Variants in FES observed in about 807,000 individuals in gnomAD.
The protein encoded by FES is FES proto-oncogene, tyrosine kinase.
A neutral mutation model predicts 109.6 loss-of-function variants in FES; 83 were observed. That is an observed-to-expected ratio of 0.76 (90% CI 0.63 to 0.91). The LOEUF (loss-of-function observed/expected upper bound fraction) is 0.91, where lower values mean the gene tolerates loss of function less well. FES is among the 40% of genes least tolerant of loss of function. FES has a pLI of 0.00. For synonymous variants in FES, 458 were observed against 442.1 expected, an observed-to-expected ratio of 1.04 and a Z score of -0.45; for missense variants, 943 against 1,070.9, an observed-to-expected ratio of 0.88 and a Z score of 1.67.
intron 1 of FES, chr15:90,884,822 C>G (rs1039186478): frequency 3.8e-6 from 2 of 528,728 alleles, no homozygotes; most frequent in East Asian, 3.1e-5. Flanking sequence ...TGTTCCCGAA[C>G]GTGCGGAGGA....
intron 11 of FES, 56 bp from the exon 12 acceptor site, chr15:90,891,498 A>T (rs1455102725): frequency 6.2e-7 from 1 of 1,609,922 alleles, no homozygotes; most frequent in East Asian, 2.2e-5. Context: ...TCCCCCTCCC[A>T]GGGCTCACGC....
rs1349194238 is a variant in FES, at chr15:90,895,658, TC to T, written c.*102del. 2 of 1,106,444 alleles carry T rather than the reference TC, an allele frequency of 1.8e-6. No individual in the cohort carries two copies. Among genetic ancestry groups the T allele is most frequent in the Non-Finnish European group, 2.4e-6 (2 of 817,574 alleles). The allele number at this position is 1,106,444 out of a possible 1,614,324, so 68.5% of individuals were successfully genotyped here. Reference sequence around the variant, plus strand: ...CTGACAGCTCTTCACAGTCCTGGACTCCTGCCACCAGCATCCACACTGCCGG... The same window carrying T: ...CTGACAGCTCTTCACAGTCCTGGACTCTGCCACCAGCATCCACACTGCCGG... On this transcript the variant is annotated 3_prime_UTR_variant, in exon 19 of 19. Coordinates refer to ENST00000328850, the MANE Select transcript of FES (RefSeq NM_002005.4).
rs780059532 is a variant in FES at position 90,889,580 on chromosome 15, G to T, written c.870G>T (p.Pro290=). 3.1e-6 allele frequency: 5 copies of T among 1,613,666 alleles called. No individual in the cohort carries two copies. Among genetic ancestry groups the T allele is most frequent in the Admixed American group, 3.3e-5 (2 of 60,020 alleles). Residue 290 remains proline (P), a synonymous_variant, in exon 7 of 19, where the codon CCG becomes CCT. Transcript: ENST00000328850. This position sits in a 1 kb window ranked among gnomAD's most constrained non-coding sequence, Gnocchi z 6.1. ...AGTCACTGCTTGAGGAGGGTGAACC[G>T]CTGGAGCCTGGGGAGCTCCAGCTGA... ...FDESLLEEGE[P]LEPGELQLNE... is the part of the protein sequence containing the mutation.
chr15:90,888,144 C>T (rs916579755), intron 5 of FES, among the ~76,000 whole-genome samples: 8 of 152,174 alleles, frequency 5.3e-5, no homozygotes, highest in South Asian at 2.1e-4. Flanking sequence ...CTCGCTCTGC[C>T]GCCCAGGCTA....
chr15:90,894,360 G>C (rs1345482341), intron 18 of FES, among the ~76,000 whole-genome samples: 1 of 152,164 alleles, frequency 6.6e-6, no homozygotes, highest in African/African-American at 2.4e-5. Flanking sequence ...CGAGGCAGGT[G>C]GATCACCTGT....
intron 3 of FES, 32 bp downstream of exon 3, chr15:90,885,617 T>G: frequency 6.3e-7 from 1 of 1,598,176 alleles, no homozygotes; most frequent in Non-Finnish European, 8.5e-7. Flanking sequence ...TTCGGTCATT[T>G]CTGTCTAAAT....
intron 10 of FES, 82 bp downstream of exon 10, chr15:90,890,566 C>T (rs1298659126): frequency 7.7e-7 from 1 of 1,296,908 alleles, no homozygotes; most frequent in East Asian, 2.4e-5. Context: ...AGGCTCTGCC[C>T]AGGCTGCTTG....
intron 5 of FES, among the ~76,000 whole-genome samples, chr15:90,888,945 C>G (rs1284662150): frequency 1.3e-5 from 2 of 151,964 alleles, no homozygotes; most frequent in Non-Finnish European, 1.5e-5. Flanking sequence ...GCCACCATGC[C>G]TGGCTAATTT....
At position 90,890,208 on chromosome 15, in the gene FES, A is replaced by G. The variant is rs765729166; in HGVS notation, c.1166A>G (p.Glu389Gly). 11 of 1,601,558 alleles carry G rather than the reference A, an allele frequency of 6.9e-6. No individual in the cohort carries two copies. Among genetic ancestry groups the G allele is most frequent in the Non-Finnish European group, 8.5e-6 (10 of 1,178,984 alleles). Residue 389 changes from glutamate to glycine, a missense_variant, in exon 9 of 19, where the codon GAG becomes GGG. Transcript: ENST00000328850. Reference sequence around the variant, plus strand: ...CAGGAGTTGCTGCAGACCAAGCTGGAGCACCTGGGCCCCGGCGAGCCCCCG... The same window carrying G: ...CAGGAGTTGCTGCAGACCAAGCTGGGGCACCTGGGCCCCGGCGAGCCCCCG... ...AQQELLQTKL[E>G]HLGPGEPPPV...
At position 90,889,836 on chromosome 15, in the gene FES, G is replaced by A. The variant is rs752838314; in HGVS notation, c.927-4G>A. The A allele has an allele frequency of 1.2e-6, 2 of 1,613,648 alleles. No individual in the cohort carries two copies. Among genetic ancestry groups the A allele is most frequent in the African/African-American group, 1.3e-5 (1 of 74,974 alleles). On this transcript the variant is annotated splice_polypyrimidine_tract_variant and splice_region_variant and intron_variant, in intron 7 of 18. Transcript: ENST00000328850. The surrounding 1 kb of genome is among the most constrained non-coding windows in gnomAD (Gnocchi z 6.1). The stretch of plus-strand genomic sequence containing the variant: ...TTCTAATGCTGCCCTTCTCTTGGGT[G>A]CAGGCTGACCTCAGTGACAGATGAG...
intron 13 of FES, chr15:90,892,313 C>A: frequency 4.7e-6 from 3 of 636,158 alleles, no homozygotes; most frequent in Non-Finnish European, 8.3e-6. Context: ...GACAGCTCTG[C>A]CAGCACCCTG....
chr15:90,891,840 T>C (rs2033246111), intron 12 of FES, among the ~76,000 whole-genome samples, 164 bp downstream of exon 12: 1 of 152,180 alleles, frequency 6.6e-6, no homozygotes, highest in Non-Finnish European at 1.5e-5. Flanking sequence ...AGGTTTGGAA[T>C]GTCAGGGCCA....
At chr15:90,894,245 T>C (rs1027920892) in intron 18 of FES, among the ~76,000 whole-genome samples, 187 bp downstream of exon 18, 2 of 150,186 alleles carry the variant, frequency 1.3e-5, no homozygotes, top group Non-Finnish European at 3.0e-5. Context: ...AGCCCAGGAG[T>C]TCAAGATCAG....
chr15:90,893,906 C>T lies in FES; in HGVS notation c.2204-30C>T, dbSNP rs74943443. 659 of 1,612,742 alleles carry T rather than the reference C, an allele frequency of 4.1e-4. 2 individuals carry two copies. The African/African-American group carries it at 7.1e-3, about 17-fold the overall frequency. On this transcript the variant is annotated intron_variant, in intron 17 of 18. Transcript: ENST00000328850. ...CCTGGCCCCAGGGAGGGTGCACTCA[C>T]GCTGCCTCACCTCCTCGCCTCCTCT...
intron 18 of FES, among the ~76,000 whole-genome samples, chr15:90,894,911 C>G (rs2033572072): frequency 6.6e-6 from 1 of 151,604 alleles, no homozygotes; most frequent in African/African-American, 2.4e-5. Context: ...ACTAAAAATA[C>G]AAAAAATTAG....
Position 90,893,649 on chromosome 15 carries a change from C to T in FES, c.2046-5C>T. The T allele has an allele frequency of 6.3e-7, 1 of 1,579,584 alleles. No individual in the cohort carries two copies. The highest frequency in any genetic ancestry group is 8.6e-7 in the Non-Finnish European group (1 of 1,163,030). ...CCAAATGAGCCCCTGCCCTGTCTCA[C>T]CCAGGGACCTGGCTGCTCGGAACTG... On this transcript the variant is annotated splice_polypyrimidine_tract_variant and splice_region_variant and intron_variant, in intron 16 of 18. Transcript: ENST00000328850.
In FES at chr15:90,895,684, G is replaced by A. The variant is rs1265723348; in HGVS notation, c.*126G>A. On this transcript the variant is annotated 3_prime_UTR_variant, in exon 19 of 19. Coordinates refer to ENST00000328850, the MANE Select transcript of FES (RefSeq NM_002005.4). ...CCTGCCACCAGCATCCACACTGCCG[G>A]CAGGATGCAGCGCCGTGTCCTCTCT... 1.3e-6 allele frequency: 1 copy of A among 799,806 alleles called. No individual in the cohort carries two copies. The highest frequency in any genetic ancestry group is 3.2e-5 in the East Asian group (1 of 31,498). 49.5% of individuals were successfully genotyped at this position (799,806 alleles called of 1,614,324 possible).
intron 12 of FES, 116 bp from the exon 13 acceptor site, chr15:90,891,942 G>T: frequency 3.4e-6 from 4 of 1,179,532 alleles, no homozygotes; most frequent in Non-Finnish European, 4.6e-6. Context: ...TGCTCCCCAC[G>T]TGGTCCCACC....
chr15:90,891,976 A>C, intron 12 of FES, 82 bp from the exon 13 acceptor site: 1 of 1,565,200 alleles, frequency 6.4e-7, no homozygotes, highest in Non-Finnish European at 8.8e-7. Context: ...GGAGGCGCCA[A>C]AAAATGGAGG....
Sources: gnomAD v4.1 joint callset for allele counts (sites outside exome capture counted in the v4.1 genomes callset) on GRCh38, gnomAD v4.1.1 for gene constraint, Gnocchi (gnomAD v3.1) non-coding constraint, MANE v1.5 for transcripts, NCBI Gene and HGNC (gene_info 2026-07-23, HGNC 2026-07-21) for gene names.